Variants in RAD17 observed in about 807,000 individuals in gnomAD.
RAD17 encodes cell cycle checkpoint protein RAD17.
A neutral mutation model predicts 81.5 loss-of-function variants in RAD17; 31 were observed. The ratio of observed to expected loss-of-function variants is 0.38; its 90% CI spans 0.29 to 0.51. RAD17 has a LOEUF of 0.51. RAD17 is among the 20% of genes least tolerant of loss of function. The pLI is 0.88. For missense variants in RAD17, 681 were observed against 781.2 expected (o/e 0.87, Z 1.53); for synonymous variants, 261 against 266.2 (o/e 0.98, Z 0.19).
Position 69,393,222 on chromosome 5 carries a change from A to G in RAD17, c.1257A>G (p.Thr419=), listed in dbSNP as rs1437868917. Residue 419 remains threonine (T), a synonymous_variant, in exon 14 of 19, where the codon ACA becomes ACG. Coordinates refer to ENST00000354868, the MANE Select transcript of RAD17 (RefSeq NM_133338.3). ...ATTTATCAGAATATGAACGGGATACATTACTTGTTGAACCTGAGGTAAGTT... is the reference window on the plus strand; with the variant it reads ...ATTTATCAGAATATGAACGGGATACGTTACTTGTTGAACCTGAGGTAAGTT... ...PSHLSEYERD[T]LLVEPEEVVE... 4 of 1,610,400 alleles carry G rather than the reference A, an allele frequency of 2.5e-6. No individual in the cohort carries two copies. Among genetic ancestry groups the G allele is most frequent in the Middle Eastern group, 1.7e-4 (1 of 6,044 alleles).
At chr5:69,379,247 T>A (rs560222732) in intron 6 of RAD17, among the ~76,000 whole-genome samples, 42 of 151,940 alleles carry the variant, frequency 2.8e-4, no homozygotes, top group Non-Finnish European at 3.4e-4. Flanking sequence ...AAAAAAAAAA[T>A]ATTTTTTGGT....
chr5:69,372,075 A>G lies in RAD17; in HGVS notation c.-134A>G. 1.4e-6 allele frequency: 2 copies of G among 1,387,666 alleles called. No individual in the cohort carries two copies. The highest frequency in any genetic ancestry group is 1.9e-6 in the Non-Finnish European group (2 of 1,038,756). The allele number at this position is 1,387,666 out of a possible 1,614,324, so 86.0% of individuals were successfully genotyped here. A position where few individuals can be genotyped will look rare whatever the true frequency, so the allele number is the denominator to read the frequency against. On this transcript the variant is annotated 5_prime_UTR_variant, in exon 4 of 19. The change abolishes an upstream ATG in the 5' untranslated region. Transcript: ENST00000354868. Reference sequence around the variant, plus strand: ...TTTATGTAAGAAATGAAACTATAAAATGTATAAATAATTTGCAAATCAGAA... The same window carrying G: ...TTTATGTAAGAAATGAAACTATAAAGTGTATAAATAATTTGCAAATCAGAA...
At chr5:69,407,567 T>TTTG (rs1765690912) in intron 17 of RAD17, among the ~76,000 whole-genome samples, 1 of 112,516 alleles carries the variant, frequency 8.9e-6, no homozygotes, top group African/African-American at 3.6e-5. Context: ...TCCAAGTTTT[T>TTTG]TTTTTTTTTT....
chr5:69,401,481 A>G (rs1765262797), intron 17 of RAD17, among the ~76,000 whole-genome samples: 1 of 136,778 alleles, frequency 7.3e-6, no homozygotes, highest in Non-Finnish European at 1.6e-5. Context: ...AGTATTACAA[A>G]AATGCCTATT....
rs373632198 is a variant in RAD17 at position 69,377,439 on chromosome 5, GTATATATATATA to G, written c.351+2753_351+2764del. ...GGTATATGTGTGTGTGTGTGTGTGT[GTATATATATATA>G]TATATATATATATATATATATATAC... On this transcript the variant is annotated intron_variant, in intron 6 of 18. Transcript: ENST00000354868. Among the ~76,000 whole-genome samples the G allele has an allele frequency of 8.3e-4, 46 of 55,498 alleles. 2 individuals carry two copies. Among genetic ancestry groups the G allele is most frequent in the East Asian group, 3.4e-3 (6 of 1,752 alleles). The allele number at this position is 55,498 out of a possible 152,430, so 36.4% of individuals were successfully genotyped here.
intron 4 of RAD17, among the ~76,000 whole-genome samples, chr5:69,373,273 A>G (rs1431835334): frequency 3.3e-5 from 5 of 152,214 alleles, no homozygotes; most frequent in East Asian, 1.9e-4. Flanking sequence ...TATGCTGGGA[A>G]GGTTACAATT....
intron 8 of RAD17, 46 bp from the exon 9 acceptor site, chr5:69,385,997 G>A: frequency 7.1e-7 from 1 of 1,413,228 alleles, no homozygotes; most frequent in Non-Finnish European, 9.3e-7. Flanking sequence ...AAATAAATTT[G>A]CAATGGAATA....
intron 17 of RAD17, among the ~76,000 whole-genome samples, chr5:69,407,373 T>C (rs1429686603): frequency 3.3e-5 from 5 of 152,174 alleles, no homozygotes; most frequent in South Asian, 2.1e-4. Flanking sequence ...GTTTTTCTTA[T>C]CAATTTTTAT....
chr5:69,371,947 A>G (rs1008762171), intron 3 of RAD17, 87 bp from the exon 4 acceptor site: 8 of 657,634 alleles, frequency 1.2e-5, no homozygotes, highest in African/African-American at 1.1e-4. Context: ...CATGCAGGGT[A>G]GCTATTTCCC....
At chr5:69,408,303 A>G (rs1334300231) in intron 17 of RAD17, among the ~76,000 whole-genome samples, 2 of 151,720 alleles carry the variant, frequency 1.3e-5, no homozygotes, top group Admixed American at 1.3e-4. Flanking sequence ...TTATTTGTTT[A>G]GTGACTTGGC....
intron 16 of RAD17, among the ~76,000 whole-genome samples, chr5:69,397,765 T>A (rs1764988675): frequency 6.6e-6 from 1 of 152,000 alleles, no homozygotes; most frequent in South Asian, 2.1e-4. Context: ...AGGAATAAGT[T>A]TTAAGTTCAA....
intron 18 of RAD17, among the ~76,000 whole-genome samples, chr5:69,413,823 T>C (rs12659035): frequency 0.85 from 129,638 of 152,262 alleles, 56,511 homozygotes; most frequent in Non-Finnish European, 0.95. Context: ...GCATGAGCCA[T>C]CGTGTTCAGC....
At position 69,396,815 on chromosome 5, in the gene RAD17, T is replaced by TA. The variant is rs1168364082; in HGVS notation, c.1572+270dup. Among the ~76,000 whole-genome samples the TA allele has an allele frequency of 2.6e-4, 39 of 152,074 alleles. 1 individual carries two copies. The highest frequency in any genetic ancestry group is 2.9e-5 in the Non-Finnish European group (2 of 68,006). ...AGTTTTATTGGAATCAAAGCGTAGT[T>TA]ACATTTTATTTTATTTTTTATTTTT... is the stretch of plus-strand genomic sequence containing the variant. On this transcript the variant is annotated intron_variant, in intron 16 of 18. Coordinates refer to ENST00000354868, the MANE Select transcript of RAD17 (RefSeq NM_133338.3).
At chr5:69,397,075 T>C (rs1764938515) in intron 16 of RAD17, among the ~76,000 whole-genome samples, 1 of 152,122 alleles carries the variant, frequency 6.6e-6, no homozygotes, top group South Asian at 2.1e-4. Flanking sequence ...CTCATGATCC[T>C]CTTGCCTTGG....
chr5:69,392,974 T>A, intron 13 of RAD17, 181 bp from the exon 14 acceptor site: 1 of 540,046 alleles, frequency 1.9e-6, no homozygotes, highest in Non-Finnish European at 3.3e-6. Flanking sequence ...TTAATTTAGT[T>A]CTTGCTAATG....
intron 6 of RAD17, among the ~76,000 whole-genome samples, chr5:69,375,081 A>C (rs550976479): frequency 6.6e-6 from 1 of 152,188 alleles, no homozygotes; most frequent in South Asian, 2.1e-4. Context: ...ACACTAGTAC[A>C]CTCTAGCCTG....
At chr5:69,384,957 T>TC in intron 8 of RAD17, 24 bp downstream of exon 8, 1 of 1,337,168 alleles carries the variant, frequency 7.5e-7, no homozygotes, top group East Asian at 2.8e-5. Flanking sequence ...TTAAAATCTT[T>TC]TTTTTTTTTT....
chr5:69,372,537 T>C (rs2150762655), intron 4 of RAD17, among the ~76,000 whole-genome samples: 1 of 152,314 alleles, frequency 6.6e-6, no homozygotes, highest in African/African-American at 2.4e-5. Flanking sequence ...TTTATGCTAT[T>C]AGAGTGTTAA....
chr5:69,372,560 A>G (rs1763071429), intron 4 of RAD17, among the ~76,000 whole-genome samples: 1 of 152,092 alleles, frequency 6.6e-6, no homozygotes, highest in African/African-American at 2.4e-5. Context: ...AATCTAGTAA[A>G]AATTTCTAAT....
Sources: gnomAD v4.1 joint callset for allele counts (sites outside exome capture counted in the v4.1 genomes callset) on GRCh38, gnomAD v4.1.1 for gene constraint, MANE v1.5 for transcripts, NCBI Gene and HGNC (gene_info 2026-07-23, HGNC 2026-07-21) for gene names.